BMP5: variants seen among roughly 807,000 people sequenced by gnomAD.
BMP5 encodes the protein bone morphogenetic protein 5.
In BMP5, 23 loss-of-function variants were observed where a neutral mutation model predicts 46.6. The ratio of observed to expected loss-of-function variants is 0.49; its 90% CI spans 0.35 to 0.70. The LOEUF (loss-of-function observed/expected upper bound fraction) is 0.70, where lower values mean the gene tolerates loss of function less well. Ranked by LOEUF, BMP5 falls within the 30% of genes least tolerant of loss-of-function variation. The pLI is 0.00. For missense variants in BMP5, 545 were observed against 565.6 expected (o/e 0.96, Z 0.37); for synonymous variants, 204 against 191.9 (o/e 1.06, Z -0.52).
chr6:55,755,809 T>G, intron 6 of BMP5, 127 bp from the exon 7 acceptor site: 1 of 917,014 alleles, frequency 1.1e-6, no homozygotes, highest in Non-Finnish European at 1.7e-6. Context: ...CCTTCTCCCA[T>G]TTATTCCATG....
chr6:55,767,472 A>G (rs1013073064), intron 4 of BMP5, among the ~76,000 whole-genome samples: 1 of 152,044 alleles, frequency 6.6e-6, no homozygotes, highest in African/African-American at 2.4e-5. Flanking sequence ...CACTTTATAC[A>G]TGAGGAAACA....
At chr6:55,863,015 G>A (rs1419848277) in intron 1 of BMP5, among the ~76,000 whole-genome samples, 1 of 152,204 alleles carries the variant, frequency 6.6e-6, no homozygotes, top group Non-Finnish European at 1.5e-5. Flanking sequence ...CAAGAATGAA[G>A]GATTCTGGGC....
At chr6:55,780,393 G>A (rs1221560601) in intron 3 of BMP5, among the ~76,000 whole-genome samples, 1 of 139,396 alleles carries the variant, frequency 7.2e-6, no homozygotes, top group Non-Finnish European at 1.5e-5. Context: ...GGCCAAGGTG[G>A]GCCAATCACA....
chr6:55,843,417 A>G (rs1777012271), intron 1 of BMP5, among the ~76,000 whole-genome samples: 1 of 152,082 alleles, frequency 6.6e-6, no homozygotes, highest in Non-Finnish European at 1.5e-5. Context: ...TCAGTTTTCA[A>G]ATACTTGCAT....
In BMP5 at chr6:55,818,943, T is replaced by TAGATAGATAGAC. The variant is rs1554183645; in HGVS notation, c.683+711_683+712insGTCTATCTATCT. Reference sequence around the variant, plus strand: ...CATGAGAGATAGATAGATAGATAGATAGACAGACAGACAGACAGACAGACA... The same window carrying TAGATAGATAGAC: ...CATGAGAGATAGATAGATAGATAGATAGATAGATAGACAGACAGACAGACAGACAGACAGACA... On this transcript the variant is annotated intron_variant, in intron 2 of 6. Coordinates refer to ENST00000370830, the MANE Select transcript of BMP5 (RefSeq NM_021073.4). Among the ~76,000 whole-genome samples the TAGATAGATAGAC allele has an allele frequency of 3.9e-3, 588 of 150,842 alleles. 9 individuals carry two copies. Among genetic ancestry groups the TAGATAGATAGAC allele is most frequent in the African/African-American group, 0.014 (552 of 40,526 alleles).
intron 2 of BMP5, among the ~76,000 whole-genome samples, chr6:55,796,907 G>C (rs1464189974): frequency 6.6e-6 from 1 of 152,136 alleles, no homozygotes; most frequent in Non-Finnish European, 1.5e-5. Context: ...TCTAAAAAGA[G>C]CCATATATTT....
At chr6:55,873,839 T>C (rs1467163499) in intron 1 of BMP5, among the ~76,000 whole-genome samples, 1 of 152,084 alleles carries the variant, frequency 6.6e-6, no homozygotes, top group Non-Finnish European at 1.5e-5. Flanking sequence ...AATTTCAGAA[T>C]CCCTTCCTTG....
chr6:55,760,940 C>T (rs756552981), intron 4 of BMP5, among the ~76,000 whole-genome samples: 18 of 151,896 alleles, frequency 1.2e-4, no homozygotes, highest in Non-Finnish European at 2.5e-4. Flanking sequence ...CTTGTAACAT[C>T]TTCCATGAGG....
At chr6:55,793,720 A>C (rs575235838) in intron 3 of BMP5, among the ~76,000 whole-genome samples, 1 of 152,326 alleles carries the variant, frequency 6.6e-6, no homozygotes, top group Non-Finnish European at 1.5e-5. Flanking sequence ...CAATATGTAA[A>C]GAACTAACTT....
intron 2 of BMP5, among the ~76,000 whole-genome samples, chr6:55,815,059 G>C (rs1776223242): frequency 6.8e-6 from 1 of 146,420 alleles, no homozygotes; most frequent in Non-Finnish European, 1.5e-5. Context: ...CTTGAAACCT[G>C]AAGGCAGAGG....
intron 1 of BMP5, among the ~76,000 whole-genome samples, chr6:55,846,676 C>T (rs189610428): frequency 7.2e-5 from 11 of 151,920 alleles, no homozygotes; most frequent in African/African-American, 2.2e-4. Context: ...TGAATGTCTG[C>T]TCTTTCATTT....
intron 1 of BMP5, among the ~76,000 whole-genome samples, chr6:55,833,648 AG>A (rs1234101041): frequency 6.6e-6 from 1 of 152,222 alleles, no homozygotes; most frequent in Non-Finnish European, 1.5e-5. Context: ...GGGCTAAAAA[AG>A]CTCATTAATA....
chr6:55,781,639 G>A (rs1307092374), intron 3 of BMP5, among the ~76,000 whole-genome samples: 2 of 142,294 alleles, frequency 1.4e-5, no homozygotes, highest in South Asian at 2.2e-4. Context: ...ATGGAGTCTC[G>A]TTCTGTCGCC....
chr6:55,846,646 T>C (rs542109642), intron 1 of BMP5, among the ~76,000 whole-genome samples: 1 of 152,020 alleles, frequency 6.6e-6, no homozygotes, highest in Non-Finnish European at 1.5e-5. Context: ...CAGACACTAA[T>C]TTATATGCTC....
intron 3 of BMP5, among the ~76,000 whole-genome samples, chr6:55,793,680 T>G (rs1173280360): frequency 6.6e-6 from 1 of 152,170 alleles, no homozygotes; most frequent in East Asian, 1.9e-4. Context: ...CACAAGTACT[T>G]CTGGAGCAGT....
intron 4 of BMP5, among the ~76,000 whole-genome samples, chr6:55,771,235 TA>T (rs979483241): frequency 1.3e-5 from 2 of 151,842 alleles, no homozygotes; most frequent in African/African-American, 4.8e-5. Context: ...TGGAGGTTTT[TA>T]AAAAAATCTT....
At chr6:55,851,873 T>C (rs1777251938) in intron 1 of BMP5, among the ~76,000 whole-genome samples, 2 of 152,170 alleles carry the variant, frequency 1.3e-5, no homozygotes, top group African/African-American at 4.8e-5. Flanking sequence ...CTTTTAAGTA[T>C]GGGCCATGTC....
chr6:55,793,639 C>G (rs939906446), intron 3 of BMP5, among the ~76,000 whole-genome samples: 4 of 152,192 alleles, frequency 2.6e-5, no homozygotes, highest in African/African-American at 9.7e-5. Flanking sequence ...TCTGGACCTT[C>G]TTAAAAGTGA....
At chr6:55,764,410 A>G (rs1221571588) in intron 4 of BMP5, among the ~76,000 whole-genome samples, 1 of 152,016 alleles carries the variant, frequency 6.6e-6, no homozygotes. Context: ...CGTCTCTACT[A>G]AAAATACGAA....
Sources: gnomAD v4.1 joint callset for allele counts (sites outside exome capture counted in the v4.1 genomes callset) on GRCh38, gnomAD v4.1.1 for gene constraint, MANE v1.5 for transcripts, NCBI Gene and HGNC (gene_info 2026-07-23, HGNC 2026-07-21) for gene names.